Variants in MCF2 observed in about 807,000 individuals in gnomAD.
MCF2 encodes MCF.2 cell line derived transforming sequence, also known as proto-oncogene DBL.
A neutral mutation model predicts 82.5 loss-of-function variants in MCF2; 44 were observed. The observed-to-expected ratio is 0.53, with a 90% CI of 0.42 to 0.69. MCF2 has a LOEUF of 0.69. MCF2 is among the 30% of genes least tolerant of loss of function. The probability of loss-of-function intolerance (pLI) is 0.00; values close to 1 mark genes in which losing one functional copy is unlikely to be tolerated. For missense variants in MCF2, 623 were observed against 663.1 expected, an observed-to-expected ratio of 0.94 and a Z score of 0.66; for synonymous variants, 217 against 224.9, an observed-to-expected ratio of 0.96 and a Z score of 0.32.
At chrX:139,593,143 C>G (rs1929668442) in intron 19 of MCF2, among the ~76,000 whole-genome samples, 1 of 111,809 alleles carries the variant, frequency 8.9e-6, no homozygotes, top group East Asian at 2.8e-4. Context: ...AGGAATTTAT[C>G]CATTTCTTCT....
upstream of MCF2, chrX:139,645,615 T>C: frequency 8.3e-7 from 1 of 1,204,790 alleles, no homozygotes; most frequent in Non-Finnish European, 1.1e-6. Flanking sequence ...GTATCCAATC[T>C]TCGATCCAGA....
At chrX:139,596,884 T>G in intron 18 of MCF2, 114 bp from the exon 23 acceptor site, 1 of 522,834 alleles carries the variant, frequency 1.9e-6, no homozygotes. Context: ...TAATTTATGT[T>G]TTTTTAAAAA....
intron 10 of MCF2, among the ~76,000 whole-genome samples, chrX:139,614,304 A>T (rs1931725384): frequency 8.9e-6 from 1 of 111,826 alleles, no homozygotes; most frequent in Non-Finnish European, 1.9e-5. Context: ...TACCAACAAA[A>T]TTATTCTATT....
chrX:139,644,154 A>G (rs1418408363), upstream of MCF2, among the ~76,000 whole-genome samples: 6 of 112,435 alleles, frequency 5.3e-5, no homozygotes, highest in Non-Finnish European at 1.1e-4. Context: ...ACCTTTATCT[A>G]AATAACATTG....
At chrX:139,681,104 A>G (rs776330558) in intron 1 of MCF2, among the ~76,000 whole-genome samples, 1 of 112,596 alleles carries the variant, frequency 8.9e-6, no homozygotes, top group East Asian at 2.8e-4. Context: ...CTCAGAATAC[A>G]TATACCTAAT....
At chrX:139,662,604 G>A (rs756420622) in intron 1 of MCF2, among the ~76,000 whole-genome samples, 1 of 111,112 alleles carries the variant, frequency 9.0e-6, no homozygotes, top group Non-Finnish European at 1.9e-5. Flanking sequence ...TGGGGTACAT[G>A]TAAAATTTTG....
chrX:139,586,913 G>A (rs1461671484), intron 22 of MCF2, among the ~76,000 whole-genome samples: 2 of 111,559 alleles, frequency 1.8e-5, no homozygotes, highest in South Asian at 3.8e-4. Context: ...TATAATGTAC[G>A]ATAAAAGATG....
chrX:139,597,688 T>A, intron 17 of MCF2, 103 bp from the exon 22 acceptor site: 2 of 625,855 alleles, frequency 3.2e-6, no homozygotes, highest in Admixed American at 4.1e-5. Context: ...CCAAATATAA[T>A]GTCACATTTT....
chrX:139,644,148 T>C (rs1350540245), upstream of MCF2, among the ~76,000 whole-genome samples: 1 of 112,248 alleles, frequency 8.9e-6, no homozygotes, highest in East Asian at 2.8e-4. Context: ...AATTTTACCT[T>C]TATCTAAATA....
chrX:139,704,487 T>A (rs1338424671), intron 1 of MCF2, among the ~76,000 whole-genome samples: 1 of 111,523 alleles, frequency 9.0e-6, no homozygotes, highest in Non-Finnish European at 1.9e-5. Flanking sequence ...ATCAACAACA[T>A]CCAGGCTGAG....
At chrX:139,641,589 T>C (rs1933571103) in intron 1 of MCF2, among the ~76,000 whole-genome samples, 2 of 111,605 alleles carry the variant, frequency 1.8e-5, no homozygotes, top group Admixed American at 1.9e-4. Flanking sequence ...TGTGTGTGTG[T>C]GTTATCTCGA....
intron 1 of MCF2, among the ~76,000 whole-genome samples, chrX:139,676,672 G>C (rs746276664): frequency 9.0e-6 from 1 of 111,506 alleles, no homozygotes; most frequent in Non-Finnish European, 1.9e-5. Context: ...TATTTCACAG[G>C]GTTATTGTAA....
intron 1 of MCF2, among the ~76,000 whole-genome samples, chrX:139,694,169 G>A (rs1935334597): frequency 9.0e-6 from 1 of 110,905 alleles, no homozygotes; most frequent in African/African-American, 3.3e-5. Context: ...TAAAAAAGAA[G>A]GAAATAAATG....
At chrX:139,696,387 A>C (rs868562243) in intron 1 of MCF2, among the ~76,000 whole-genome samples, 1 of 73,758 alleles carries the variant, frequency 1.4e-5, no homozygotes, top group Non-Finnish European at 2.6e-5. Context: ...CTCTCTTCTC[A>C]TCTCGTCTCC....
Position 139,678,936 on chromosome X carries a change from C to G in MCF2, c.-44-27148G>C, listed in dbSNP as rs188488551. ...TCACAAAACATCCATTTTGAAGGAC[C>G]ACCTTAAAATTATTTTAGTCATAAC... On this transcript the variant is annotated intron_variant, in intron 1 of 27. Coordinates refer to the MCF2 transcript ENST00000414978. 1.1e-3 allele frequency among the ~76,000 whole-genome samples: 120 copies of G among 112,390 alleles called. 1 individual carries two copies. The highest frequency in any genetic ancestry group is 1.7e-3 in the Non-Finnish European group (90 of 53,299).
exon 6 of MCF2, chrX:139,626,233 T>C: frequency 8.3e-7 from 1 of 1,205,774 alleles, no homozygotes. Context: ...TTGCAGATAC[T>C]GCTCCATTTT....
intron 1 of MCF2, among the ~76,000 whole-genome samples, chrX:139,636,106 G>C (rs909683992): frequency 9.0e-6 from 1 of 111,248 alleles, no homozygotes; most frequent in Non-Finnish European, 1.9e-5. Flanking sequence ...TTGGATTCTC[G>C]GACGTCAGAA....
intron 11 of MCF2, among the ~76,000 whole-genome samples, chrX:139,609,423 C>T (rs1346096011): frequency 1.8e-5 from 2 of 111,285 alleles, no homozygotes; most frequent in Non-Finnish European, 3.8e-5. Flanking sequence ...ATGGCCCATG[C>T]CTGTAGTCTA....
exon 17 of MCF2, chrX:139,598,473 C>T: frequency 8.8e-7 from 1 of 1,140,761 alleles, no homozygotes; most frequent in Non-Finnish European, 1.2e-6. Context: ...CAGTCTAAGT[C>T]TGTGTTTTAA....
Sources: gnomAD v4.1 joint callset for allele counts (sites outside exome capture counted in the v4.1 genomes callset) on GRCh38, gnomAD v4.1.1 for gene constraint, MANE v1.5 for transcripts, NCBI Gene and HGNC (gene_info 2026-07-23, HGNC 2026-07-21) for gene names.